GALNT7: variants seen among roughly 807,000 people sequenced by gnomAD.
The protein encoded by GALNT7 is polypeptide N-acetylgalactosaminyltransferase 7.
GALNT7 carries 60 observed loss-of-function variants against 82.1 expected under a neutral mutation model. The observed-to-expected ratio is 0.73, with a 90% CI of 0.59 to 0.91. The LOEUF is 0.91. Among genes scored for constraint, GALNT7 ranks in the 40% least tolerant of loss-of-function variants. The pLI is 0.00. For missense variants in GALNT7, 660 were observed against 804.2 expected (o/e 0.82, Z 2.17); for synonymous variants, 243 against 275.1 (o/e 0.88, Z 1.15).
chr4:173,187,232 A>G lies in GALNT7; in HGVS notation c.126+18271A>G, dbSNP rs377291586. The stretch of plus-strand genomic sequence containing the variant: ...CTAAATATATGTACTATACATAGAC[A>G]TAGTCCACAGTATAAATAAACTCTG... On this transcript the variant is annotated intron_variant, in intron 1 of 11. Coordinates refer to ENST00000265000, the MANE Select transcript of GALNT7 (RefSeq NM_017423.3). Among the ~76,000 whole-genome samples, 54 of 152,368 alleles carry G rather than the reference A, an allele frequency of 3.5e-4. No individual in the cohort carries two copies. In the East Asian group the frequency reaches 9.2e-3, roughly 26 times the overall value.
chr4:173,179,726 G>C (rs1732185038), intron 1 of GALNT7, among the ~76,000 whole-genome samples: 1 of 152,172 alleles, frequency 6.6e-6, no homozygotes, highest in Non-Finnish European at 1.5e-5. Context: ...CATCAATGTA[G>C]TATCTTTATG....
rs1481696186 is a variant in GALNT7, at chr4:173,320,647, TG to T, written c.1837-932del. Among the ~76,000 whole-genome samples, 1 of 152,160 alleles carries T rather than the reference TG, an allele frequency of 6.6e-6. No homozygotes were observed. The highest frequency in any genetic ancestry group is 1.5e-5 in the Non-Finnish European group (1 of 68,022). On this transcript the variant is annotated intron_variant, in intron 11 of 11. Transcript: ENST00000265000. The surrounding 1 kb of genome is among the most constrained non-coding windows in gnomAD (Gnocchi z 4.1). ...TAATAGCCGTTCATATAATTGTGGC[TG>T]TTTTTTTATTGTACACCACAACTTA...
At chr4:173,249,011 G>C (rs1378104552) in intron 2 of GALNT7, among the ~76,000 whole-genome samples, 1 of 152,114 alleles carries the variant, frequency 6.6e-6, no homozygotes, top group Non-Finnish European at 1.5e-5. Context: ...AGATAAAACT[G>C]TGACCTAAGA....
chr4:173,174,291 T>G (rs1436531228), intron 1 of GALNT7, among the ~76,000 whole-genome samples: 4 of 152,176 alleles, frequency 2.6e-5, no homozygotes, highest in Non-Finnish European at 5.9e-5. Flanking sequence ...ATCAGAAGCT[T>G]TCATGTTTCC....
intron 2 of GALNT7, among the ~76,000 whole-genome samples, chr4:173,280,463 TC>T (rs1736071806): frequency 6.6e-6 from 1 of 152,248 alleles, no homozygotes; most frequent in South Asian, 2.1e-4. Flanking sequence ...TTCATTATTC[TC>T]ATATTTTCTG....
At position 173,317,690 on chromosome 4, in the gene GALNT7, C is replaced by T; in HGVS notation, c.1665C>T (p.Gly555=). ...ATAGCATGGGAAAAACAAATGGAGG[C>T]TTTGTTGAACTAGGACCCTGCCACA... is the stretch of plus-strand genomic sequence containing the variant. ...CIDSMGKTNG[G]FVELGPCHRM... The change falls in exon 10 of 12, where the codon GGC becomes GGT. Residue 555 remains glycine (G), a synonymous_variant. Coordinates refer to ENST00000265000, the MANE Select transcript of GALNT7 (RefSeq NM_017423.3). The T allele has an allele frequency of 1.2e-6, 2 of 1,612,654 alleles. No homozygotes were observed. Among genetic ancestry groups the T allele is most frequent in the Non-Finnish European group, 8.5e-7 (1 of 1,178,782 alleles).
rs774842534 is a variant in GALNT7 at position 173,298,228 on chromosome 4, T to C, written c.1079T>C (p.Met360Thr). 1 of 1,612,728 alleles carries C rather than the reference T, an allele frequency of 6.2e-7. No homozygotes were observed. Among genetic ancestry groups the C allele is most frequent in the Non-Finnish European group, 8.5e-7 (1 of 1,179,516 alleles). Residue 360 changes from methionine (M) to threonine (T), a missense_variant, in exon 6 of 12, where the codon ATG (methionine) becomes ACG (threonine). Physicochemically the swap from Met to Thr is moderately conservative, Grantham distance 81 (BLOSUM62 -1). This residue lies in a region of GALNT7 where 527 missense variants were observed against 683.5 expected (regional missense o/e 0.77). Coordinates refer to ENST00000265000, the MANE Select transcript of GALNT7 (RefSeq NM_017423.3). ...GCCCGAGGAGCATGGGATTGGAGTA[T>C]GCTCTGGAAACGGGTGCCTCTGACC... ...GYARGAWDWS[M>T]LWKRVPLTPQ...
chr4:173,178,700 A>C (rs1311525725), intron 1 of GALNT7, among the ~76,000 whole-genome samples: 1 of 152,212 alleles, frequency 6.6e-6, no homozygotes, highest in Non-Finnish European at 1.5e-5. Flanking sequence ...GAAAAATTTA[A>C]CTTTACATTA....
At chr4:173,170,429 A>G (rs1320347284) in intron 1 of GALNT7, among the ~76,000 whole-genome samples, 2 of 152,218 alleles carry the variant, frequency 1.3e-5, no homozygotes, top group South Asian at 2.1e-4. Flanking sequence ...AGATCCCATT[A>G]TCAGCTCTTC....
chr4:173,272,941 A>G (rs988607133), intron 2 of GALNT7, among the ~76,000 whole-genome samples: 1 of 152,192 alleles, frequency 6.6e-6, no homozygotes, highest in African/African-American at 2.4e-5. Context: ...TCATTTTGCT[A>G]TAGGGCCATT....
chr4:173,318,648 A>G, intron 11 of GALNT7, 89 bp downstream of exon 11: 1 of 854,226 alleles, frequency 1.2e-6, no homozygotes, highest in Non-Finnish European at 1.9e-6. Context: ...AAATCTTAAA[A>G]CCTGCATTCA....
intron 1 of GALNT7, among the ~76,000 whole-genome samples, chr4:173,224,379 C>A (rs1190954717): frequency 1.3e-5 from 2 of 152,152 alleles, no homozygotes; most frequent in African/African-American, 4.8e-5. Context: ...CCCAAATCAA[C>A]CATTTCTTCA....
At chr4:173,209,351 C>A (rs1473195674) in intron 1 of GALNT7, among the ~76,000 whole-genome samples, 1 of 152,222 alleles carries the variant, frequency 6.6e-6, no homozygotes, top group East Asian at 1.9e-4. Flanking sequence ...GTCAGTATTT[C>A]TTTCTAGCTA....
At chr4:173,185,134 A>G (rs1732425210) in intron 1 of GALNT7, among the ~76,000 whole-genome samples, 1 of 152,230 alleles carries the variant, frequency 6.6e-6, no homozygotes, top group Admixed American at 6.5e-5. Flanking sequence ...GCAAAACAAA[A>G]ATCACCGTGC....
intron 1 of GALNT7, among the ~76,000 whole-genome samples, chr4:173,185,133 A>G (rs1732425127): frequency 6.6e-6 from 1 of 152,236 alleles, no homozygotes; most frequent in South Asian, 2.1e-4. Flanking sequence ...AGCAAAACAA[A>G]AATCACCGTG....
chr4:173,308,817 C>T (rs1334716720), intron 8 of GALNT7, among the ~76,000 whole-genome samples: 2 of 152,150 alleles, frequency 1.3e-5, no homozygotes, highest in African/African-American at 2.4e-5. Context: ...GCAGGAGAAT[C>T]GCTTGAACCC....
rs138480605 is a variant in GALNT7 at position 173,313,379 on chromosome 4, G to T, written c.1390-579G>T. 9.3e-3 allele frequency among the ~76,000 whole-genome samples: 1,391 copies of T among 149,596 alleles called. 19 individuals carry two copies. The highest frequency in any genetic ancestry group is 0.028 in the Middle Eastern group (8 of 288). On this transcript the variant is annotated intron_variant, in intron 8 of 11. Coordinates refer to ENST00000265000, the MANE Select transcript of GALNT7 (RefSeq NM_017423.3). ...AGGCCAGGAGTTTGAGACCAGCCTG[G>T]GCAACAGAATGAGACTCCATCTACA...
At chr4:173,179,464 G>A (rs868526540) in intron 1 of GALNT7, among the ~76,000 whole-genome samples, 13 of 152,144 alleles carry the variant, frequency 8.5e-5, no homozygotes, top group African/African-American at 2.9e-4. Flanking sequence ...AGACCTTGTC[G>A]CTTATAAAAC....
intron 1 of GALNT7, 119 bp downstream of exon 1, chr4:173,169,080 A>T: frequency 1.1e-6 from 1 of 936,738 alleles, no homozygotes; most frequent in South Asian, 2.0e-5. Context: ...GCAGCTCCGC[A>T]GGTGGTGCTG....
Sources: allele counts gnomAD v4.1 joint callset (sites outside exome capture counted in the v4.1 genomes callset), GRCh38; gene constraint gnomAD v4.1.1; regional missense constraint gnomAD v4.1.1; non-coding constraint Gnocchi (gnomAD v3.1); transcripts MANE v1.5; gene names NCBI Gene and HGNC (gene_info 2026-07-23, HGNC 2026-07-21).